Variants in DIXDC1 observed in about 807,000 individuals in gnomAD.
DIXDC1 encodes the protein dixin.
A neutral mutation model predicts 103.1 loss-of-function variants in DIXDC1; 64 were observed. The ratio of observed to expected loss-of-function variants is 0.62; its 90% CI spans 0.51 to 0.76. The LOEUF is 0.76. DIXDC1 is among the 30% of genes least tolerant of loss of function. The pLI is 0.00. For synonymous variants in DIXDC1, 266 were observed against 298.5 expected, an observed-to-expected ratio of 0.89 and a Z score of 1.12; for missense variants, 759 against 834.2, an observed-to-expected ratio of 0.91 and a Z score of 1.11.
intron 17 of DIXDC1, among the ~76,000 whole-genome samples, chr11:111,999,374 C>T (rs1414944439): frequency 1.3e-5 from 2 of 152,086 alleles, no homozygotes; most frequent in Non-Finnish European, 2.9e-5. Context: ...GTGCTTGGGA[C>T]AACTGGATAT....
chr11:112,001,096 G>A lies in DIXDC1; in HGVS notation c.1756+4950G>A, dbSNP rs148625555. ...AGACAAATTCTGGTATATGCATACA[G>A]TGGAATATTATTCACCTATAAAGAG... On this transcript the variant is annotated intron_variant, in intron 17 of 19. Transcript: ENST00000440460. Among the ~76,000 whole-genome samples the A allele has an allele frequency of 2.7e-4, 41 of 152,324 alleles. 1 individual carries two copies. The highest frequency in any genetic ancestry group is 6.8e-3 in the Middle Eastern group (2 of 294).
intron 2 of DIXDC1, among the ~76,000 whole-genome samples, chr11:111,966,902 C>T (rs1488512240): frequency 1.3e-5 from 2 of 152,190 alleles, no homozygotes; most frequent in Admixed American, 6.5e-5. Context: ...CAAGCCTCCA[C>T]CTTATCAAAT....
intron 17 of DIXDC1, among the ~76,000 whole-genome samples, chr11:112,002,771 GTC>G (rs1253985757): frequency 2.0e-5 from 3 of 152,120 alleles, no homozygotes; most frequent in Non-Finnish European, 4.4e-5. Context: ...GTGAGATCCT[GTC>G]TCAAAAACAA....
intron 1 of DIXDC1, among the ~76,000 whole-genome samples, chr11:111,953,328 C>G (rs1474545451): frequency 6.6e-6 from 1 of 151,876 alleles, no homozygotes; most frequent in Non-Finnish European, 1.5e-5. Context: ...TTCATCTATC[C>G]AAAAAATAAA....
chr11:111,952,819 C>CA (rs1293702864), intron 1 of DIXDC1, among the ~76,000 whole-genome samples: 13,351 of 110,486 alleles, frequency 0.12, 734 homozygotes, highest in Non-Finnish European at 0.16. Flanking sequence ...GACTTTGTCT[C>CA]AAAAAAAAAA....
Position 111,986,915 on chromosome 11 carries a change from G to C in DIXDC1, c.1053G>C (p.Gln351His), listed in dbSNP as rs952843732. ...SRLDQSMEEN[Q>H]DLKKELLKCK... Reference sequence around the variant, plus strand: ...TGGATCAGAGTATGGAGGAGAATCAGGACTTAAAGGTATGTCAAGACATGT... The same window carrying C: ...TGGATCAGAGTATGGAGGAGAATCACGACTTAAAGGTATGTCAAGACATGT... The change falls in exon 9 of 20, where the codon CAG (glutamine) becomes CAC (histidine). Residue 351 changes from glutamine to histidine, a missense_variant. By Grantham distance (24) the Gln-to-His change is conservative (BLOSUM62 0). Around this residue, in one of 3 missense-constraint regions of DIXDC1, gnomAD observed 657 missense variants for 727.5 expected, o/e 0.90. Coordinates refer to ENST00000440460, the MANE Select transcript of DIXDC1 (RefSeq NM_001037954.4). 6.3e-7 allele frequency: 1 copy of C among 1,576,240 alleles called. No individual in the cohort carries two copies. Among genetic ancestry groups the C allele is most frequent in the Middle Eastern group, 1.7e-4 (1 of 6,010 alleles).
chr11:112,015,799 C>CTTTTTTT (rs782121271), intron 17 of DIXDC1, among the ~76,000 whole-genome samples: 1 of 47,032 alleles, frequency 2.1e-5, no homozygotes, highest in Non-Finnish European at 3.5e-5. Context: ...GAGACCCTGT[C>CTTTTTTT]TTTTTTTTTT....
At position 111,977,880 on chromosome 11, in the gene DIXDC1, G is replaced by A. The variant is rs892104464; in HGVS notation, c.657-2857G>A. 21 of 1,456,636 alleles carry A rather than the reference G, an allele frequency of 1.4e-5. No homozygotes were observed. Among genetic ancestry groups the A allele is most frequent in the Non-Finnish European group, 1.9e-5 (21 of 1,100,380 alleles). 90.2% of individuals were successfully genotyped at this position (1,456,636 alleles called of 1,614,324 possible). On this transcript the variant is annotated intron_variant, in intron 5 of 19. Transcript: ENST00000440460. This position sits in a 1 kb window ranked among gnomAD's most constrained non-coding sequence, Gnocchi z 6.1. ...TGGAGGATGCTGTTGGCCGGAGACA[G>A]GCGGGGTGGTGGGAGCATTATGTTG...
chr11:112,004,565 C>T (rs782694921), intron 17 of DIXDC1, among the ~76,000 whole-genome samples: 11 of 152,220 alleles, frequency 7.2e-5, no homozygotes, highest in South Asian at 6.2e-4. Flanking sequence ...ACTGGGGCTG[C>T]GTCAGGACAA....
At chr11:111,939,115 AC>A (rs1463657889) in intron 1 of DIXDC1, among the ~76,000 whole-genome samples, 2 of 152,036 alleles carry the variant, frequency 1.3e-5, no homozygotes, top group African/African-American at 4.8e-5. Flanking sequence ...GTTGTCTTAT[AC>A]CTCCTGCCCC....
chr11:112,010,862 G>T (rs1378166835), intron 17 of DIXDC1, among the ~76,000 whole-genome samples: 38 of 152,120 alleles, frequency 2.5e-4, no homozygotes, highest in Non-Finnish European at 7.4e-5. Flanking sequence ...GAAGAAAACC[G>T]AGGCAATACC....
intron 2 of DIXDC1, among the ~76,000 whole-genome samples, chr11:111,931,495 T>C (rs1391550159): frequency 6.6e-6 from 1 of 151,878 alleles, no homozygotes; most frequent in African/African-American, 2.4e-5. Context: ...AAACAAAAAT[T>C]AGCTGGACGT....
rs782758691 is a variant in DIXDC1 at position 111,986,855 on chromosome 11, T to A, written c.1009-16T>A. On this transcript the variant is annotated splice_polypyrimidine_tract_variant and intron_variant, in intron 8 of 19. Coordinates refer to ENST00000440460, the MANE Select transcript of DIXDC1 (RefSeq NM_001037954.4). ...CAGCATAGGTGCTTAGCCATCTCTG[T>A]TTGTCTTATATTCAGATTATAATCC... 10 of 1,560,328 alleles carry A rather than the reference T, an allele frequency of 6.4e-6. No homozygotes were observed. Among genetic ancestry groups the A allele is most frequent in the Non-Finnish European group, 8.7e-7 (1 of 1,151,232 alleles).
intron 1 of DIXDC1, among the ~76,000 whole-genome samples, chr11:111,947,329 G>A (rs1012161958): frequency 1.3e-5 from 2 of 152,146 alleles, no homozygotes; most frequent in African/African-American, 4.8e-5. Flanking sequence ...GAGAGTAACA[G>A]CCTCCTGTAA....
intron 17 of DIXDC1, chr11:112,015,954 GCA>G (rs2137645402): frequency 6.7e-6 from 1 of 149,838 alleles, no homozygotes. Context: ...GGGATTACAG[GCA>G]TGTGCCACCA....
At chr11:111,985,009 C>A (rs1860441627) in intron 7 of DIXDC1, among the ~76,000 whole-genome samples, 1 of 152,156 alleles carries the variant, frequency 6.6e-6, no homozygotes, top group Admixed American at 6.5e-5. Context: ...TGAAGCAGAG[C>A]AGTCAGGTGT....
At chr11:111,981,364 T>C (rs1860301547) in intron 6 of DIXDC1, among the ~76,000 whole-genome samples, 1 of 152,200 alleles carries the variant, frequency 6.6e-6, no homozygotes, top group Non-Finnish European at 1.5e-5. Flanking sequence ...TATTTTTTCT[T>C]ACATAGAGAG....
At position 111,989,072 on chromosome 11, in the gene DIXDC1, T is replaced by A; in HGVS notation, c.1113+17T>A. On this transcript the variant is annotated intron_variant, in intron 10 of 19. Transcript: ENST00000440460. ...GGGATAAAGGTAAAAAAGAAGACAT[T>A]TAATTCTTTAAATAAAGTCTCTGCA... 6.3e-7 allele frequency: 1 copy of A among 1,585,112 alleles called. No homozygotes were observed. Among genetic ancestry groups the A allele is most frequent in the Non-Finnish European group, 8.6e-7 (1 of 1,167,874 alleles).
In DIXDC1 at chr11:111,978,007, G is replaced by A. The variant is rs908551676; in HGVS notation, c.657-2730G>A. On this transcript the variant is annotated intron_variant, in intron 5 of 19. Coordinates refer to ENST00000440460, the MANE Select transcript of DIXDC1 (RefSeq NM_001037954.4). ...GATGAGTAGCCCTTGCGCCTGCCAG[G>A]GTCTTTGGTGGGGGAGGGCACTTCA... is the stretch of plus-strand genomic sequence containing the variant. 2.6e-5 allele frequency among the ~76,000 whole-genome samples: 4 copies of A among 152,218 alleles called. No homozygotes were observed. The East Asian group carries it at 7.7e-4, about 29-fold the overall frequency.
Sources: gnomAD v4.1 joint callset for allele counts (sites outside exome capture counted in the v4.1 genomes callset) on GRCh38, gnomAD v4.1.1 for gene constraint, gnomAD v4.1.1 regional missense constraint, Gnocchi (gnomAD v3.1) non-coding constraint, MANE v1.5 for transcripts, NCBI Gene and HGNC (gene_info 2026-07-23, HGNC 2026-07-21) for gene names.